Variants in SEPTIN10 observed in about 807,000 individuals in gnomAD.
SEPTIN10 encodes the protein septin-10.
Under a neutral mutation model 54.8 loss-of-function variants are expected in SEPTIN10, and 66 were observed. The ratio of observed to expected loss-of-function variants is 1.21; its 90% CI spans 0.99 to 1.48. SEPTIN10 has a LOEUF of 1.48. SEPTIN10 is among the 40% of genes most tolerant of loss of function. The probability of loss-of-function intolerance (pLI) is 0.00; values close to 1 mark genes in which losing one functional copy is unlikely to be tolerated. For synonymous variants in SEPTIN10, 161 were observed against 181.0 expected, an observed-to-expected ratio of 0.89 and a Z score of 0.89; for missense variants, 620 against 545.6, an observed-to-expected ratio of 1.14 and a Z score of -1.36.
rs183285333 is a variant in SEPTIN10 at position 109,564,768 on chromosome 2, G to C, written c.860-234C>G. 5.8e-3 allele frequency among the ~76,000 whole-genome samples: 878 copies of C among 152,266 alleles called. 11 individuals carry two copies. The highest frequency in any genetic ancestry group is 0.057 in the South Asian group (273 of 4,830). On this transcript the variant is annotated intron_variant, in intron 7 of 10. Transcript: ENST00000397712. ...ACAGACCAGATTTACTTTAAATTTA[G>C]TAGCCAATGAATCACCAGGAAATAC...
Position 109,546,214 on chromosome 2 carries a change from A to G in SEPTIN10, c.1185T>C (p.Leu395=), listed in dbSNP as rs1681192905. 6.4e-7 allele frequency: 1 copy of G among 1,573,016 alleles called. No individual in the cohort carries two copies. Among genetic ancestry groups the G allele is most frequent in the Non-Finnish European group, 8.6e-7 (1 of 1,162,228 alleles). Reference sequence around the variant, plus strand: ...TTCTCTCTTCTTGGTGAAGTCTCTTAAGGTGCTCAAATTTGGCCTGTAGCT... The same window carrying G: ...TTCTCTCTTCTTGGTGAAGTCTCTTGAGGTGCTCAAATTTGGCCTGTAGCT... ...ERELQAKFEH[L]KRLHQEERMK... is the part of the protein sequence containing the mutation. The change falls in exon 10 of 11, where the codon CTT becomes CTC. Residue 395 remains leucine, a synonymous_variant. Coordinates refer to ENST00000397712, the MANE Select transcript of SEPTIN10 (RefSeq NM_144710.5).
At chr2:109,574,361 G>A (rs984132222) in intron 5 of SEPTIN10, among the ~76,000 whole-genome samples, 2 of 146,780 alleles carry the variant, frequency 1.4e-5, no homozygotes, top group Non-Finnish European at 3.0e-5. Context: ...CAGGAGGATC[G>A]TTTGAGCCCA....
intron 4 of SEPTIN10, among the ~76,000 whole-genome samples, chr2:109,578,281 A>G (rs796764819): frequency 1.6e-4 from 25 of 152,342 alleles, no homozygotes; most frequent in African/African-American, 5.5e-4. Flanking sequence ...AATATGCTCA[A>G]TAAGAAACAT....
At chr2:109,568,060 T>C (rs1351413872) in intron 5 of SEPTIN10, 84 bp from the exon 6 acceptor site, 2 of 1,083,244 alleles carry the variant, frequency 1.8e-6, no homozygotes, top group Non-Finnish European at 2.6e-6. Flanking sequence ...AAACTGTTCA[T>C]TCTGACAATG....
chr2:109,564,527 AT>A lies in SEPTIN10; in HGVS notation c.866del (p.Asn289MetfsTer8). 2 of 1,506,318 alleles carry A rather than the reference AT, an allele frequency of 1.3e-6. No individual in the cohort carries two copies. The highest frequency in any genetic ancestry group is 1.8e-4 in the Middle Eastern group (1 of 5,634). The allele number at this position is 1,506,318 out of a possible 1,614,324, so 93.3% of individuals were successfully genotyped here. On this transcript the variant is annotated frameshift_variant, in exon 8 of 11. Transcript: ENST00000397712. LOFTEE classifies it high-confidence loss of function. ...QYPWGVVQVE[N>X]ENHCDFVKLR... Reference sequence around the variant, plus strand: ...GCTTTACAAAGTCACAGTGGTTTTCATTTTCCACTAGCCAAAAAAAAATAAG... The same window carrying A: ...GCTTTACAAAGTCACAGTGGTTTTCATTTCCACTAGCCAAAAAAAAATAAG...
chr2:109,551,047 A>T (rs1402730792), intron 9 of SEPTIN10, among the ~76,000 whole-genome samples: 2 of 152,360 alleles, frequency 1.3e-5, no homozygotes, highest in Middle Eastern at 3.4e-3. Flanking sequence ...GTATATAGGA[A>T]ATCCGTCTGT....
intron 4 of SEPTIN10, among the ~76,000 whole-genome samples, chr2:109,576,205 G>A (rs544714099): frequency 1.3e-5 from 2 of 152,268 alleles, no homozygotes; most frequent in South Asian, 4.1e-4. Flanking sequence ...AAGCTGCAGT[G>A]AGCTGTGATT....
At chr2:109,545,131 G>C (rs1680848806) in intron 10 of SEPTIN10, 2 of 985,266 alleles carry the variant, frequency 2.0e-6, no homozygotes, top group African/African-American at 3.5e-5. Context: ...CAGATGTGTT[G>C]CTCTGTGGGG....
chr2:109,599,304 A>C (rs1696060795), intron 1 of SEPTIN10, among the ~76,000 whole-genome samples: 4 of 151,988 alleles, frequency 2.6e-5, no homozygotes, highest in Admixed American at 2.6e-4. Context: ...CTAAAAATAC[A>C]AAAATTAGCC....
chr2:109,574,575 A>G lies in SEPTIN10; in HGVS notation c.600+6T>C. ...TATGGTAAGTTGATTCCTTTCCTCA[A>G]CCCACCTTGCTGTCAAGGTTCTTCA... On this transcript the variant is annotated splice_donor_region_variant and intron_variant, in intron 5 of 10. Coordinates refer to ENST00000397712, the MANE Select transcript of SEPTIN10 (RefSeq NM_144710.5). The G allele has an allele frequency of 6.7e-7, 1 of 1,501,488 alleles. No individual in the cohort carries two copies. The allele number at this position is 1,501,488 out of a possible 1,614,324, so 93.0% of individuals were successfully genotyped here.
chr2:109,599,821 ACTC>A lies in SEPTIN10; in HGVS notation c.31-6705_31-6703del, dbSNP rs371187400. Among the ~76,000 whole-genome samples the A allele has an allele frequency of 6.4e-4, 97 of 152,204 alleles. 2 individuals are homozygous for A. Among genetic ancestry groups the A allele is most frequent in the African/African-American group, 1.6e-3 (67 of 41,532 alleles). ...ACAAATGCAATCTTATTTTAAAATT[ACTC>A]CTCCTAATTAGAAATTTATTATAGA... On this transcript the variant is annotated intron_variant, in intron 1 of 10. Transcript: ENST00000397712.
chr2:109,573,813 C>T (rs554138515), intron 5 of SEPTIN10, among the ~76,000 whole-genome samples: 4 of 152,212 alleles, frequency 2.6e-5, no homozygotes, highest in Non-Finnish European at 4.4e-5. Context: ...TTCTATAGCT[C>T]CCTAAATTTA....
chr2:109,571,770 A>T (rs374074478), intron 5 of SEPTIN10, among the ~76,000 whole-genome samples: 3 of 152,178 alleles, frequency 2.0e-5, no homozygotes, highest in Non-Finnish European at 4.4e-5. Context: ...ACTAGTTGTT[A>T]TAAGAGTTTG....
At chr2:109,547,665 C>G (rs1681644947) in intron 9 of SEPTIN10, among the ~76,000 whole-genome samples, 1 of 152,006 alleles carries the variant, frequency 6.6e-6, no homozygotes, top group Non-Finnish European at 1.5e-5. Context: ...CTATATGGAT[C>G]ATAGAAGGCA....
chr2:109,613,136 G>T, intron 1 of SEPTIN10: 1 of 1,281,684 alleles, frequency 7.8e-7, no homozygotes, highest in Non-Finnish European at 1.0e-6. Flanking sequence ...AAAACTCGAT[G>T]TACACGACCT....
At chr2:109,551,306 AAC>A (rs1682901373) in intron 9 of SEPTIN10, among the ~76,000 whole-genome samples, 2 of 152,198 alleles carry the variant, frequency 1.3e-5, no homozygotes, top group African/African-American at 4.8e-5. Context: ...ATATTTAAAT[AAC>A]AGTCCTTTAA....
At chr2:109,576,498 T>C (rs1194059994) in intron 4 of SEPTIN10, among the ~76,000 whole-genome samples, 1 of 152,204 alleles carries the variant, frequency 6.6e-6, no homozygotes, top group East Asian at 1.9e-4. Flanking sequence ...GTGATTATTA[T>C]AACAACAGTT....
In SEPTIN10 at chr2:109,585,769, C is replaced by G; in HGVS notation, c.169G>C (p.Val57Leu). ...VGFESLPDQLVNRSIQQGFCF... is the reference protein window; with the variant it reads ...VGFESLPDQLLNRSIQQGFCF... ...AAACCTTGCTGAATGGATCTGTTCA[C>G]CAGCTGATCAGGCAAACTCTCAAAA... is the stretch of plus-strand genomic sequence containing the variant. The change falls in exon 3 of 11, where the codon GTG (valine) becomes CTG (leucine). Residue 57 changes from valine (V) to leucine (L), a missense_variant. Physicochemically the swap from Val to Leu is conservative, Grantham distance 32. Coordinates refer to ENST00000397712, the MANE Select transcript of SEPTIN10 (RefSeq NM_144710.5). 1 of 1,613,920 alleles carries G rather than the reference C, an allele frequency of 6.2e-7. No individual in the cohort carries two copies. The highest frequency in any genetic ancestry group is 8.5e-7 in the Non-Finnish European group (1 of 1,179,950).
chr2:109,580,197 G>T (rs1041124417), intron 4 of SEPTIN10, among the ~76,000 whole-genome samples: 2 of 150,846 alleles, frequency 1.3e-5, no homozygotes, highest in Non-Finnish European at 1.5e-5. Flanking sequence ...AAAACTAAAA[G>T]AAAAATATAG....
Sources: gnomAD v4.1 joint callset for allele counts (sites outside exome capture counted in the v4.1 genomes callset) on GRCh38, gnomAD v4.1.1 for gene constraint, MANE v1.5 for transcripts, NCBI Gene and HGNC (gene_info 2026-07-23, HGNC 2026-07-21) for gene names.